A1BG: variants seen among roughly 807,000 people sequenced by gnomAD.
A1BG encodes the protein alpha-1B-glycoprotein.
In A1BG, 44 loss-of-function variants were observed where a neutral mutation model predicts 46.0. The ratio of observed to expected loss-of-function variants is 0.96; its 90% confidence interval spans 0.75 to 1.23. A1BG has a LOEUF of 1.23. Ranked by LOEUF, A1BG falls within the 50% of genes most tolerant of loss-of-function variation. The probability of loss-of-function intolerance (pLI) is 0.00; values close to 1 mark genes in which losing one functional copy is unlikely to be tolerated. For synonymous variants in A1BG, 316 were observed against 314.7 expected (o/e 1.00, Z -0.04); for missense variants, 707 against 688.8 (o/e 1.03, Z -0.30).
Position 58,351,572 on chromosome 19 carries a change from T to C in A1BG, c.729A>G (p.Leu243=). The part of the protein sequence containing the change: ...VAPLSGVDFQ[L]RRGEKELLVP... ...CCAGCAGCTCTTTCTCCCCGCGCCG[T>C]AGCTGGAAGTCCACTCCACTCAGGG... is the stretch of plus-strand genomic sequence containing the variant. Residue 243 remains leucine, a synonymous_variant, in exon 5 of 8, where the codon CTA becomes CTG. Transcript: ENST00000263100. 1 of 1,613,882 alleles carries C rather than the reference T, an allele frequency of 6.2e-7. No homozygotes were observed.
In A1BG at chr19:58,350,632, C is replaced by T. The variant is rs1303657780; in HGVS notation, c.930G>A (p.Glu310=). The stretch of plus-strand genomic sequence containing the variant: ...TGCCGGACTCCGGCTCCGGGGAGAA[C>T]TCCGGCGCGGGCAGCGTCTCTGCGG... ...ILSDETLPAP[E]FSPEPESGRA... The change falls in exon 6 of 8, where the codon GAG becomes GAA. Residue 310 remains glutamate, a synonymous_variant. Transcript: ENST00000263100. 2 of 1,421,000 alleles carry T rather than the reference C, an allele frequency of 1.4e-6. No homozygotes were observed. The highest frequency in any genetic ancestry group is 1.8e-6 in the Non-Finnish European group (2 of 1,091,696). 88.0% of individuals were successfully genotyped at this position (1,421,000 alleles called of 1,614,324 possible).
At chr19:58,351,833 G>A (rs969643112) in intron 4 of A1BG, 146 bp from the exon 5 acceptor site, 3 of 846,792 alleles carry the variant, frequency 3.5e-6, no homozygotes, top group Admixed American at 6.9e-5. Context: ...TTTCGCTCTT[G>A]TTGCCCAGGC....
chr19:58,352,089 C>T (rs755513240), intron 4 of A1BG, 194 bp downstream of exon 4: 49 of 1,440,644 alleles, frequency 3.4e-5, no homozygotes, highest in Middle Eastern at 2.6e-4. Flanking sequence ...CCACCGCACC[C>T]GGCCTCACCC....
chr19:58,353,049 G>A lies in A1BG; in HGVS notation c.219C>T (p.Asp73=), dbSNP rs1208079621. Residue 73 remains aspartate, a synonymous_variant, in exon 3 of 8, where the codon GAC becomes GAT. Coordinates refer to ENST00000263100, the MANE Select transcript of A1BG (RefSeq NM_130786.4). ...GGAACTGGTGCTTGATGGCAGGTGA[G>A]TCAAGGTGCACAGGCTCCTGGGCCA... The part of the protein sequence containing the change: ...NGVAQEPVHL[D]SPAIKHQFLL... The A allele has an allele frequency of 6.2e-7, 1 of 1,614,132 alleles. No homozygotes were observed. The highest frequency in any genetic ancestry group is 2.2e-5 in the East Asian group (1 of 44,886).
Position 58,352,328 on chromosome 19 carries a change from C to A in A1BG, c.568G>T (p.Gly190Cys), listed in dbSNP as rs764338995. 15 of 1,614,048 alleles carry A rather than the reference C, an allele frequency of 9.3e-6. No individual in the cohort carries two copies. Among genetic ancestry groups the A allele is most frequent in the Non-Finnish European group, 1.3e-5 (15 of 1,180,022 alleles). ...GTAGCGCTGGGCTCAGAGAGGGCGC[C>A]TTCCCCATCGGTCCGGTAGCTGCAG... The part of the protein sequence containing the change: ...YSCSYRTDGE[G>C]ALSEPSATVT... The change falls in exon 4 of 8, where the codon GGC becomes TGC. Residue 190 changes from glycine (G) to cysteine (C), a missense_variant. Coordinates refer to ENST00000263100, the MANE Select transcript of A1BG (RefSeq NM_130786.4).
intron 5 of A1BG, chr19:58,350,942 A>G (rs1274772883): frequency 2.3e-6 from 1 of 432,344 alleles, no homozygotes; most frequent in African/African-American, 2.0e-5. Flanking sequence ...GATGCCGCTC[A>G]GTAGTGGATT....
intron 3 of A1BG, 32 bp downstream of exon 3, chr19:58,352,896 C>T (rs1289036398): frequency 6.3e-7 from 1 of 1,591,012 alleles, no homozygotes; most frequent in Non-Finnish European, 8.5e-7. Flanking sequence ...CTACCCACTG[C>T]CTCCTGGCCC....
At position 58,353,446 on chromosome 19, in the gene A1BG, C is replaced by A; in HGVS notation, c.-9G>T. On this transcript the variant is annotated 5_prime_UTR_variant, in exon 1 of 8. Transcript: ENST00000263100. ...ACCACGAGCATGGACATGATGGTCG[C>A]GCTCACTCCGGTGCAGTGAGTGTCT... 1 of 1,607,026 alleles carries A rather than the reference C, an allele frequency of 6.2e-7. No homozygotes were observed. Among genetic ancestry groups the A allele is most frequent in the Non-Finnish European group, 8.5e-7 (1 of 1,176,638 alleles).
At chr19:58,347,257 C>T in intron 7 of A1BG, 96 bp downstream of exon 7, 1 of 1,551,010 alleles carries the variant, frequency 6.4e-7, no homozygotes, top group Non-Finnish European at 8.7e-7. Context: ...CAGGGGTGCC[C>T]AAGGGAGGAG....
Position 58,346,999 on chromosome 19 carries a change from A to T in A1BG, c.*23T>A, listed in dbSNP as rs765524646. On this transcript the variant is annotated 3_prime_UTR_variant, in exon 8 of 8. Transcript: ENST00000263100. ...CCCCGGCACTTCTGAGGACACCAAC[A>T]GCACCCTGGGCCCGCGGCTGCATCA... The T allele has an allele frequency of 1.9e-6, 3 of 1,613,938 alleles. No individual in the cohort carries two copies. The African/African-American group carries it at 4.0e-5, about 22-fold the overall frequency.
At chr19:58,351,886 C>T in intron 4 of A1BG, 199 bp from the exon 5 acceptor site, 1 of 716,824 alleles carries the variant, frequency 1.4e-6, no homozygotes, top group Non-Finnish European at 2.2e-6. Context: ...AGCTCTGCCT[C>T]CCAGGTTCAA....
chr19:58,352,848 G>C, intron 3 of A1BG, 80 bp downstream of exon 3: 2 of 1,517,392 alleles, frequency 1.3e-6, no homozygotes, highest in Non-Finnish European at 1.8e-6. Flanking sequence ...CAGAGACATC[G>C]GGTGACTTGG....
rs188417075 is a variant in A1BG, at chr19:58,352,828, G to T, written c.340+100C>A. The T allele has an allele frequency of 1.0e-4, 148 of 1,478,416 alleles. 1 individual carries two copies. In the African/African-American group the frequency reaches 1.9e-3, roughly 19 times the overall value. 91.6% of individuals were successfully genotyped at this position (1,478,416 alleles called of 1,614,324 possible). ...CCATTTGACAGATGGGAAGATTGGG[G>T]CTTGGGGCTCAGAGACATCGGGTGA... On this transcript the variant is annotated intron_variant, in intron 3 of 7. Transcript: ENST00000263100.
In A1BG at chr19:58,353,435, CATG is replaced by C. The variant is rs1388838312; in HGVS notation, c.-1_2del. On this transcript the variant is annotated start_lost and start_retained_variant and 5_prime_UTR_variant, in exon 1 of 8. Coordinates refer to ENST00000263100, the MANE Select transcript of A1BG (RefSeq NM_130786.4). ...GCAAGAGAAAGACCACGAGCATGGA[CATG>C]ATGGTCGCGCTCACTCCGGTGCAGT... 21 of 1,611,314 alleles carry C rather than the reference CATG, an allele frequency of 1.3e-5. No homozygotes were observed. The Admixed American group carries it at 1.5e-4, about 12-fold the overall frequency.
Position 58,346,933 on chromosome 19 carries a change from G to A in A1BG, c.*89C>T, listed in dbSNP as rs2051916935. 1 of 1,411,310 alleles carries A rather than the reference G, an allele frequency of 7.1e-7. No individual in the cohort carries two copies. The highest frequency in any genetic ancestry group is 1.0e-6 in the Non-Finnish European group (1 of 995,224). 87.4% of individuals were successfully genotyped at this position (1,411,310 alleles called of 1,614,324 possible). A position where few individuals can be genotyped will look rare whatever the true frequency, so the allele number is the denominator to read the frequency against. Reference sequence around the variant, plus strand: ...CTTCTCCAGCCCCCCAGAGACCCCGGCCTTGTGCTGCAACAGGAGGGGAGG... The same window carrying A: ...CTTCTCCAGCCCCCCAGAGACCCCGACCTTGTGCTGCAACAGGAGGGGAGG... On this transcript the variant is annotated 3_prime_UTR_variant, in exon 8 of 8. Transcript: ENST00000263100.
In A1BG at chr19:58,346,637, T is replaced by A. The variant is rs573786757; in HGVS notation, c.*385A>T. The A allele has an allele frequency of 3.2e-5, 9 of 281,594 alleles. No individual in the cohort carries two copies. Among genetic ancestry groups the A allele is most frequent in the African/African-American group, 2.1e-4 (9 of 43,798 alleles). The allele number at this position is 281,594 out of a possible 1,614,324, so 17.4% of individuals were successfully genotyped here. A position where few individuals can be genotyped will look rare whatever the true frequency, so the allele number is the denominator to read the frequency against. On this transcript the variant is annotated 3_prime_UTR_variant, in exon 8 of 8. Coordinates refer to ENST00000263100, the MANE Select transcript of A1BG (RefSeq NM_130786.4). ...TGGGAGGCTGAGGCAGGAGGATCGC[T>A]TGAGCCTGGGAGGTCAAAACTGCAG... is the stretch of plus-strand genomic sequence containing the variant.
Position 58,350,576 on chromosome 19 carries a change from A to C in A1BG, c.986T>G (p.Leu329Arg), listed in dbSNP as rs2051948673. ...RALRLRCLAP[L>R]EGARFALVRE... ...CACCAGGGCGAAGCGCGCGCCCTCC[A>C]GGGGCGCCAGGCACCGCAGCCGCAA... The change falls in exon 6 of 8, where the codon CTG becomes CGG. Residue 329 changes from leucine (L) to arginine (R), a missense_variant. Physicochemically the swap from Leu to Arg is moderately radical, Grantham distance 102. Transcript: ENST00000263100. 6.6e-7 allele frequency: 1 copy of C among 1,521,652 alleles called. No individual in the cohort carries two copies. The highest frequency in any genetic ancestry group is 8.8e-7 in the Non-Finnish European group (1 of 1,134,298). 94.3% of individuals were successfully genotyped at this position (1,521,652 alleles called of 1,614,324 possible). A position where few individuals can be genotyped will look rare whatever the true frequency, so the allele number is the denominator to read the frequency against.
chr19:58,351,845 G>C, intron 4 of A1BG, 158 bp from the exon 5 acceptor site: 1 of 799,314 alleles, frequency 1.3e-6, no homozygotes, highest in Non-Finnish European at 1.9e-6. Context: ...TGCCCAGGCT[G>C]GAGTGCAGTG....
Position 58,346,867 on chromosome 19 carries a change from C to A in A1BG, c.*155G>T, listed in dbSNP as rs2051916591. ...AGTCCAAAGACATTTTAAACAGAGC[C>A]TCTCTTCACATTTATTAATTCCTGG... On this transcript the variant is annotated 3_prime_UTR_variant, in exon 8 of 8. Coordinates refer to ENST00000263100, the MANE Select transcript of A1BG (RefSeq NM_130786.4). 4 of 690,004 alleles carry A rather than the reference C, an allele frequency of 5.8e-6. No homozygotes were observed. Among genetic ancestry groups the A allele is most frequent in the South Asian group, 2.9e-5 (2 of 68,920 alleles). 42.7% of individuals were successfully genotyped at this position (690,004 alleles called of 1,614,324 possible).
Sources: allele counts gnomAD v4.1 joint callset, GRCh38; gene constraint gnomAD v4.1.1; transcripts MANE v1.5; gene names NCBI Gene and HGNC (gene_info 2026-07-23, HGNC 2026-07-21).